The following GALNTL6 variants were observed in gnomAD, a reference collection of about 807,000 sequenced individuals.
The protein encoded by GALNTL6 is polypeptide N-acetylgalactosaminyltransferase like 6, also known as polypeptide N-acetylgalactosaminyltransferase-like 6.
In GALNTL6, 46 loss-of-function variants were observed where a neutral mutation model predicts 73.7. The observed-to-expected ratio is 0.62, with a 90% CI of 0.49 to 0.80. The LOEUF (loss-of-function observed/expected upper bound fraction) is 0.80, where lower values mean the gene tolerates loss of function less well. Ranked by LOEUF, GALNTL6 falls within the 30% of genes least tolerant of loss-of-function variation. The probability of loss-of-function intolerance (pLI) is 0.00; values close to 1 mark genes in which losing one functional copy is unlikely to be tolerated. For synonymous variants in GALNTL6, 259 were observed against 263.7 expected (o/e 0.98, Z 0.17); for missense variants, 604 against 755.0 (o/e 0.80, Z 2.34).
chr4:171,953,447 T>G (rs1209480276), intron 2 of GALNTL6, among the ~76,000 whole-genome samples: 3 of 152,172 alleles, frequency 2.0e-5, no homozygotes, highest in Non-Finnish European at 4.4e-5. Flanking sequence ...GAAAATTCAT[T>G]GATCAGAATT....
chr4:171,940,864 T>TAAAAAAAA (rs35996530), intron 2 of GALNTL6, among the ~76,000 whole-genome samples: 29 of 142,288 alleles, frequency 2.0e-4, no homozygotes, highest in East Asian at 4.0e-4. Context: ...AATAAATAAA[T>TAAAAAAAA]ATATAAGTCA....
intron 2 of GALNTL6, among the ~76,000 whole-genome samples, chr4:172,064,108 T>C (rs947294592): frequency 8.5e-5 from 13 of 152,248 alleles, no homozygotes; most frequent in Non-Finnish European, 1.8e-4. Context: ...TCCCAGGATC[T>C]TTGGTGATAT....
intron 2 of GALNTL6, among the ~76,000 whole-genome samples, chr4:172,057,727 AAT>A (rs147660032): frequency 0.025 from 1,154 of 46,026 alleles, 40 homozygotes; most frequent in Middle Eastern, 0.13. Context: ...AAAAAAAAAA[AAT>A]ATATATATAT....
At chr4:172,375,787 A>G (rs1743006550) in intron 5 of GALNTL6, among the ~76,000 whole-genome samples, 1 of 152,178 alleles carries the variant, frequency 6.6e-6, no homozygotes, top group Non-Finnish European at 1.5e-5. Flanking sequence ...GGACCAAGAA[A>G]AATCGGGTTT....
chr4:173,022,090 A>AGAAGGAAGGAAGGAAGGAAAGAAG (rs1579793620), intron 12 of GALNTL6, among the ~76,000 whole-genome samples: 1 of 66,202 alleles, frequency 1.5e-5, no homozygotes, highest in Non-Finnish European at 3.0e-5. Context: ...AAGGAAGGAA[A>AGAAGGAAGGAAGGAAGGAAAGAAG]GAAGGAAGGA....
At chr4:172,078,315 C>A (rs1731772327) in intron 2 of GALNTL6, among the ~76,000 whole-genome samples, 2 of 152,142 alleles carry the variant, frequency 1.3e-5, no homozygotes, top group Non-Finnish European at 2.9e-5. Context: ...CACTCTCTCT[C>A]CTGTCACCAT....
chr4:172,719,937 C>T (rs564180567), intron 5 of GALNTL6, among the ~76,000 whole-genome samples: 37 of 152,266 alleles, frequency 2.4e-4, no homozygotes, highest in African/African-American at 8.9e-4. Flanking sequence ...AACTTCCTGA[C>T]GTTGTCATGG....
At chr4:172,899,697 TAAG>T (rs1248665577) in intron 8 of GALNTL6, among the ~76,000 whole-genome samples, 1 of 152,172 alleles carries the variant, frequency 6.6e-6, no homozygotes, top group African/African-American at 2.4e-5. Flanking sequence ...GCAAGTTTAT[TAAG>T]AAAGTAAAGG....
At chr4:172,375,304 T>C (rs529421680) in intron 5 of GALNTL6, among the ~76,000 whole-genome samples, 1 of 152,170 alleles carries the variant, frequency 6.6e-6, no homozygotes, top group Admixed American at 6.5e-5. Flanking sequence ...TGTACTTCCC[T>C]TAGGTGGCCA....
At chr4:172,718,568 G>A (rs1441436122) in intron 5 of GALNTL6, among the ~76,000 whole-genome samples, 1 of 152,008 alleles carries the variant, frequency 6.6e-6, no homozygotes, top group Non-Finnish European at 1.5e-5. Flanking sequence ...AGCCTGGGAG[G>A]TTGAGGCTAC....
At chr4:172,751,268 A>G (rs929152093) in intron 5 of GALNTL6, among the ~76,000 whole-genome samples, 3 of 152,204 alleles carry the variant, frequency 2.0e-5, no homozygotes, top group Admixed American at 1.3e-4. Flanking sequence ...TACTAAAATT[A>G]TAAAAAAAAG....
chr4:172,259,711 T>C (rs370447085), intron 3 of GALNTL6, among the ~76,000 whole-genome samples: 72 of 151,566 alleles, frequency 4.8e-4, no homozygotes, highest in African/African-American at 1.7e-3. Context: ...GTTTTTCCAA[T>C]GTTATCATTT....
chr4:171,965,127 G>A (rs1012067099), intron 2 of GALNTL6, among the ~76,000 whole-genome samples: 10 of 152,106 alleles, frequency 6.6e-5, no homozygotes, highest in African/African-American at 9.7e-5. Context: ...AAGGGCTTCC[G>A]TTTTACTTTG....
chr4:172,516,711 A>G (rs951921511), intron 5 of GALNTL6, among the ~76,000 whole-genome samples: 7 of 152,212 alleles, frequency 4.6e-5, no homozygotes, highest in Non-Finnish European at 1.0e-4. Context: ...TGAAAGCAGG[A>G]TCTCAAAAAG....
At chr4:172,472,871 T>G (rs1245739006) in intron 5 of GALNTL6, among the ~76,000 whole-genome samples, 1 of 152,106 alleles carries the variant, frequency 6.6e-6, no homozygotes, top group African/African-American at 2.4e-5. Context: ...GAATAAGTTT[T>G]TTGTTGCTTT....
intron 10 of GALNTL6, among the ~76,000 whole-genome samples, chr4:172,969,389 G>A (rs560239183): frequency 2.1e-4 from 32 of 152,092 alleles, no homozygotes; most frequent in African/African-American, 7.7e-4. Flanking sequence ...AAAGAAGGAA[G>A]CCCTCTGAGA....
At chr4:172,228,188 C>G (rs746092094) in intron 2 of GALNTL6, among the ~76,000 whole-genome samples, 11 of 152,084 alleles carry the variant, frequency 7.2e-5, no homozygotes, top group Non-Finnish European at 1.2e-4. Context: ...CAAAACTGTA[C>G]TTTTCCATTT....
intron 5 of GALNTL6, among the ~76,000 whole-genome samples, chr4:172,357,211 T>A (rs1451831090): frequency 1.3e-5 from 2 of 152,150 alleles, no homozygotes; most frequent in Non-Finnish European, 2.9e-5. Context: ...GTAAAATAGG[T>A]CATAAAACAG....
At chr4:172,784,971 G>A (rs969247786) in intron 5 of GALNTL6, among the ~76,000 whole-genome samples, 5 of 152,098 alleles carry the variant, frequency 3.3e-5, no homozygotes, top group African/African-American at 1.2e-4. Context: ...GGCAGATCTC[G>A]TGTCTTTCTT....
Sources: gnomAD v4.1 joint callset for allele counts (sites outside exome capture counted in the v4.1 genomes callset) on GRCh38, gnomAD v4.1.1 for gene constraint, MANE v1.5 for transcripts, NCBI Gene and HGNC (gene_info 2026-07-23, HGNC 2026-07-21) for gene names.